Variants in MGRN1 observed in about 807,000 individuals in gnomAD.
MGRN1 encodes E3 ubiquitin-protein ligase MGRN1.
In MGRN1, 29 loss-of-function variants were observed where a neutral mutation model predicts 69.2. The ratio of observed to expected loss-of-function variants is 0.42; its 90% CI spans 0.31 to 0.57. MGRN1 has a LOEUF of 0.57. Ranked by LOEUF, MGRN1 falls within the 20% of genes least tolerant of loss-of-function variation. The pLI is 0.15. For missense variants in MGRN1, 998 were observed against 796.2 expected (o/e 1.25, Z -3.05); for synonymous variants, 470 against 344.2 (o/e 1.37, Z -4.04).
chr16:4,628,429 C>CA (rs1007673552), intron 1 of MGRN1, among the ~76,000 whole-genome samples: 22 of 148,010 alleles, frequency 1.5e-4, no homozygotes, highest in African/African-American at 3.7e-4. Context: ...GCAACAACAA[C>CA]AAAAAAAAGA....
At chr16:4,651,922 T>C in intron 2 of MGRN1, 41 bp from the exon 3 acceptor site, 1 of 1,586,262 alleles carries the variant, frequency 6.3e-7, no homozygotes, top group Non-Finnish European at 8.7e-7. Context: ...TGTTGGCTGC[T>C]CCTGAGGGAG....
intron 1 of MGRN1, among the ~76,000 whole-genome samples, chr16:4,643,662 G>A (rs989548213): frequency 1.2e-4 from 19 of 152,084 alleles, no homozygotes; most frequent in African/African-American, 4.1e-4. Context: ...GTGAGTCACC[G>A]CGCCTGGCAA....
At chr16:4,644,025 T>C (rs1220286712) in intron 1 of MGRN1, among the ~76,000 whole-genome samples, 1 of 151,982 alleles carries the variant, frequency 6.6e-6, no homozygotes, top group African/African-American at 2.4e-5. Context: ...CAGGCTGGAG[T>C]GGAGTGAGGT....
At chr16:4,685,879 T>C (rs1369239894) in intron 16 of MGRN1, among the ~76,000 whole-genome samples, 1 of 152,140 alleles carries the variant, frequency 6.6e-6, no homozygotes, top group Non-Finnish European at 1.5e-5. Context: ...GCCCATGAGA[T>C]GGTGAACACT....
chr16:4,650,984 C>T (rs1018017805), intron 2 of MGRN1: 2 of 152,286 alleles, frequency 1.3e-5, no homozygotes, highest in African/African-American at 2.4e-5. Context: ...TGGCACGTGC[C>T]TGTAATCCCA....
intron 1 of MGRN1, among the ~76,000 whole-genome samples, chr16:4,641,180 G>T (rs1184601619): frequency 1.3e-5 from 2 of 152,176 alleles, no homozygotes; most frequent in Non-Finnish European, 1.5e-5. Flanking sequence ...GCTCATGCAC[G>T]CACACACCAC....
At chr16:4,657,114 T>C in intron 4 of MGRN1, 132 bp from the exon 5 acceptor site, 2 of 831,902 alleles carry the variant, frequency 2.4e-6, no homozygotes, top group Non-Finnish European at 3.9e-6. Context: ...GTAGGCTGTT[T>C]GCTGTTCCCC....
intron 1 of MGRN1, among the ~76,000 whole-genome samples, chr16:4,646,060 A>G (rs1183686022): frequency 6.6e-6 from 1 of 152,054 alleles, no homozygotes; most frequent in African/African-American, 2.4e-5. Flanking sequence ...TAGCACAGTG[A>G]GCACTTCCTA....
intron 9 of MGRN1, 116 bp from the exon 10 acceptor site, chr16:4,673,380 CTT>C (rs1385152394): frequency 8.0e-6 from 11 of 1,377,316 alleles, no homozygotes; most frequent in African/African-American, 2.9e-5. Context: ...CTGGACTTCT[CTT>C]TGTCATGACA....
intron 1 of MGRN1, among the ~76,000 whole-genome samples, chr16:4,632,911 T>C (rs1320958309): frequency 6.6e-6 from 1 of 151,956 alleles, no homozygotes. Flanking sequence ...GGCAAAACCT[T>C]GTCTCTACAA....
intron 5 of MGRN1, among the ~76,000 whole-genome samples, chr16:4,661,212 C>G (rs2078672691): frequency 6.6e-6 from 1 of 151,958 alleles, no homozygotes; most frequent in African/African-American, 2.4e-5. Context: ...CTCCCGGGCT[C>G]CAGCAATCCT....
At chr16:4,681,885 C>G in intron 13 of MGRN1, 109 bp downstream of exon 13, 1 of 1,132,424 alleles carries the variant, frequency 8.8e-7, no homozygotes. Context: ...TGTGGCGATT[C>G]CCCAGAAGGA....
chr16:4,633,915 C>A (rs1898144537), intron 1 of MGRN1: 1 of 152,110 alleles, frequency 6.6e-6, no homozygotes, highest in Non-Finnish European at 1.5e-5. Flanking sequence ...GACGGGGTTT[C>A]ACCGTGTTAG....
chr16:4,684,583 C>G (rs955471012), intron 16 of MGRN1, among the ~76,000 whole-genome samples: 10 of 152,372 alleles, frequency 6.6e-5, no homozygotes, highest in Admixed American at 1.3e-4. Context: ...AGCAAGGCAG[C>G]AAGGCTGGGA....
chr16:4,651,846 C>T, intron 2 of MGRN1, 117 bp from the exon 3 acceptor site: 2 of 896,130 alleles, frequency 2.2e-6, no homozygotes, highest in South Asian at 1.4e-5. Flanking sequence ...ATAGCCCCTC[C>T]CATGGGACTA....
intron 7 of MGRN1, 85 bp downstream of exon 7, chr16:4,665,236 GC>G: frequency 6.8e-7 from 1 of 1,478,720 alleles, no homozygotes; most frequent in Non-Finnish European, 9.3e-7. Flanking sequence ...CTGAGCAGGG[GC>G]TGGGGCTTGG....
At chr16:4,687,736 C>T (rs79940350) in intron 16 of MGRN1, 53,781 of 985,466 alleles carry the variant, frequency 0.055, 1,583 homozygotes, top group Non-Finnish European at 0.059. Context: ...GAGGCCCATG[C>T]AGCCTGCTGG....
chr16:4,668,595 C>T (rs574090456), intron 8 of MGRN1, among the ~76,000 whole-genome samples: 100 of 151,378 alleles, frequency 6.6e-4, no homozygotes, highest in African/African-American at 2.2e-3. Flanking sequence ...GACACTCATA[C>T]ACACATACAC....
At chr16:4,665,801 T>A (rs1409131522) in intron 7 of MGRN1, among the ~76,000 whole-genome samples, 1 of 150,696 alleles carries the variant, frequency 6.6e-6, no homozygotes, top group Non-Finnish European at 1.5e-5. Flanking sequence ...TCCAAGTACC[T>A]GGGATTACAG....
Sources: allele counts gnomAD v4.1 joint callset (sites outside exome capture counted in the v4.1 genomes callset), GRCh38; gene constraint gnomAD v4.1.1; transcripts MANE v1.5; gene names NCBI Gene and HGNC (gene_info 2026-07-23, HGNC 2026-07-21).